PHF21B: variants seen among roughly 807,000 people sequenced by gnomAD.
The protein encoded by PHF21B is PHD finger protein 21B.
Under a neutral mutation model 62.2 loss-of-function variants are expected in PHF21B, and 22 were observed. That is an observed-to-expected ratio of 0.35 (90% CI 0.25 to 0.51). The LOEUF (loss-of-function observed/expected upper bound fraction) is 0.51. PHF21B is among the 20% of genes least tolerant of loss of function. The pLI is 0.97. For missense variants in PHF21B, 701 were observed against 707.9 expected (o/e 0.99, Z 0.11); for synonymous variants, 341 against 314.7 (o/e 1.08, Z -0.88).
At chr22:44,949,310 GAA>G (rs950091010) in intron 2 of PHF21B, among the ~76,000 whole-genome samples, 3 of 126,812 alleles carry the variant, frequency 2.4e-5, no homozygotes, top group Non-Finnish European at 4.6e-5. Flanking sequence ...TCAAAAAAAA[GAA>G]AAAAAAAAAA....
chr22:44,976,524 T>C (rs2072741025), intron 2 of PHF21B, among the ~76,000 whole-genome samples: 1 of 152,252 alleles, frequency 6.6e-6, no homozygotes, highest in Non-Finnish European at 1.5e-5. Flanking sequence ...AAAATTACAA[T>C]TCACATTTCA....
intron 2 of PHF21B, among the ~76,000 whole-genome samples, chr22:44,981,523 C>T (rs2072841871): frequency 6.6e-6 from 1 of 152,246 alleles, no homozygotes; most frequent in Non-Finnish European, 1.5e-5. Context: ...GCTCAATGAA[C>T]AGGCTAATGA....
At chr22:44,952,028 G>A (rs2072204376) in intron 2 of PHF21B, among the ~76,000 whole-genome samples, 1 of 152,170 alleles carries the variant, frequency 6.6e-6, no homozygotes, top group Non-Finnish European at 1.5e-5. Context: ...GGTGCTCACT[G>A]CGTGTTATGT....
chr22:44,975,869 T>C (rs927458547), intron 2 of PHF21B, among the ~76,000 whole-genome samples: 1 of 152,248 alleles, frequency 6.6e-6, no homozygotes, highest in Non-Finnish European at 1.5e-5. Context: ...AAAGAAAACC[T>C]ATTTTAAAAA....
chr22:44,898,195 CT>C (rs1157257936), intron 5 of PHF21B, among the ~76,000 whole-genome samples: 1 of 152,084 alleles, frequency 6.6e-6, no homozygotes, highest in South Asian at 2.1e-4. Flanking sequence ...CTCAGCTTGT[CT>C]TTTTTTGGTG....
intron 3 of PHF21B, among the ~76,000 whole-genome samples, chr22:44,918,074 G>GC (rs1252553836): frequency 4.2e-4 from 64 of 152,374 alleles, no homozygotes; most frequent in African/African-American, 1.5e-3. Flanking sequence ...GTCCCCCAAT[G>GC]CCAGGCTTAC....
In PHF21B at chr22:44,972,482, G is replaced by A. The variant is rs2072658266; in HGVS notation, c.120+36063C>T. Among the ~76,000 whole-genome samples, 4 of 152,146 alleles carry A rather than the reference G, an allele frequency of 2.6e-5. No homozygotes were observed. The South Asian group carries it at 6.2e-4, about 24-fold the overall frequency. On this transcript the variant is annotated intron_variant, in intron 2 of 12. Coordinates refer to ENST00000313237, the MANE Select transcript of PHF21B (RefSeq NM_138415.5). ...AGCCGAAAACCGAGTGTTGGCAGACGCGGCTGCTCAGTGCAATGAGGAAGC... is the reference window on the plus strand; with the variant it reads ...AGCCGAAAACCGAGTGTTGGCAGACACGGCTGCTCAGTGCAATGAGGAAGC...
rs118164568 is a variant in PHF21B, at chr22:44,920,924, G to A, written c.121-434C>T. Among the ~76,000 whole-genome samples the A allele has an allele frequency of 2.4e-4, 37 of 152,300 alleles. No homozygotes were observed. In the East Asian group the frequency reaches 6.9e-3, roughly 29 times the overall value. On this transcript the variant is annotated intron_variant, in intron 2 of 12. Transcript: ENST00000313237. ...CAATCCTCTACTCTTGGAAATTTGA[G>A]TTCTAGCTCCATCTTTTTCCAGTTA...
chr22:44,893,551 C>A lies in PHF21B; in HGVS notation c.884-18G>T, dbSNP rs374045140. On this transcript the variant is annotated intron_variant, in intron 6 of 12. Coordinates refer to ENST00000313237, the MANE Select transcript of PHF21B (RefSeq NM_138415.5). ...CTGGATTTCTGGAAAGGCACAGACA[C>A]AGCAGTTACTGGGTCCTGCCTGCCC... is the stretch of plus-strand genomic sequence containing the variant. The A allele has an allele frequency of 8.2e-6, 13 of 1,586,650 alleles. No individual in the cohort carries two copies. Among genetic ancestry groups the A allele is most frequent in the South Asian group, 1.1e-5 (1 of 87,056 alleles).
In PHF21B at chr22:44,934,432, G is replaced by T. The variant is rs145854017; in HGVS notation, c.121-13942C>A. On this transcript the variant is annotated intron_variant, in intron 2 of 12. Coordinates refer to ENST00000313237, the MANE Select transcript of PHF21B (RefSeq NM_138415.5). ...CAACAGAAGGGACTTCCACGAGCAGGAGTTTTTTTCAGGCCAAGAAGGGAC... is the reference window on the plus strand; with the variant it reads ...CAACAGAAGGGACTTCCACGAGCAGTAGTTTTTTTCAGGCCAAGAAGGGAC... Among the ~76,000 whole-genome samples, 664 of 152,328 alleles carry T rather than the reference G, an allele frequency of 4.4e-3. 1 individual carries two copies. Among genetic ancestry groups the T allele is most frequent in the Non-Finnish European group, 7.7e-3 (523 of 68,034 alleles).
At chr22:45,001,933 C>CT (rs1569285961) in intron 2 of PHF21B, 1 of 152,214 alleles carries the variant, frequency 6.6e-6, no homozygotes, top group African/African-American at 2.4e-5. Flanking sequence ...CCGCGCTTTA[C>CT]GATATTCAAA....
intron 2 of PHF21B, among the ~76,000 whole-genome samples, chr22:44,960,484 C>T (rs529768032): frequency 6.6e-6 from 1 of 152,174 alleles, no homozygotes; most frequent in African/African-American, 2.4e-5. Context: ...GCTGTCTGCA[C>T]CCATATTAAG....
chr22:44,888,185 C>T (rs2070894691), intron 9 of PHF21B, 64 bp from the exon 10 acceptor site: 7 of 1,416,576 alleles, frequency 4.9e-6, no homozygotes, highest in Non-Finnish European at 6.5e-6. Flanking sequence ...GCCGGTCAGC[C>T]AGGGCCAGGC....
At chr22:44,923,378 G>T (rs1164204046) in intron 2 of PHF21B, among the ~76,000 whole-genome samples, 1 of 148,842 alleles carries the variant, frequency 6.7e-6, no homozygotes, top group South Asian at 2.1e-4. Flanking sequence ...TGAATGTAGG[G>T]ACCAAAACTA....
At chr22:45,004,116 G>T (rs974797794) in intron 2 of PHF21B, among the ~76,000 whole-genome samples, 2 of 152,054 alleles carry the variant, frequency 1.3e-5, no homozygotes, top group Admixed American at 6.6e-5. Flanking sequence ...ACAGCCAAGG[G>T]GTTTCTTTTA....
intron 2 of PHF21B, among the ~76,000 whole-genome samples, chr22:44,929,122 G>C (rs2071691221): frequency 6.6e-6 from 1 of 152,236 alleles, no homozygotes; most frequent in Non-Finnish European, 1.5e-5. Context: ...TTAGAGAACT[G>C]CTGTGATGTG....
intron 2 of PHF21B, among the ~76,000 whole-genome samples, chr22:45,006,939 G>A (rs1457636084): frequency 6.6e-6 from 1 of 151,592 alleles, no homozygotes; most frequent in Non-Finnish European, 1.5e-5. Context: ...AGGGTCTTCC[G>A]ACCCCTCCCC....
intron 5 of PHF21B, among the ~76,000 whole-genome samples, chr22:44,907,910 T>C (rs527870356): frequency 6.6e-6 from 1 of 152,258 alleles, no homozygotes; most frequent in East Asian, 1.9e-4. Context: ...CACGGTCCAC[T>C]GACCTGCTGG....
At position 44,885,514 on chromosome 22, in the gene PHF21B, T is replaced by A; in HGVS notation, c.1289A>T (p.Lys430Met). 1 of 1,595,572 alleles carries A rather than the reference T, an allele frequency of 6.3e-7. No individual in the cohort carries two copies. The highest frequency in any genetic ancestry group is 8.5e-7 in the Non-Finnish European group (1 of 1,171,114). The change falls in exon 12 of 13, where the codon AAG becomes ATG. Residue 430 changes from lysine (K) to methionine (M), a missense_variant. Coordinates refer to ENST00000313237, the MANE Select transcript of PHF21B (RefSeq NM_138415.5). ...VTHKTVKEEE[K>M]QKLLQRGSEL... ...ACTGCCTCGTTGCAGCAGCTTCTGC[T>A]TCTCCTCTTCTTTGACTAGAAAAGA...
Sources: allele counts gnomAD v4.1 joint callset (sites outside exome capture counted in the v4.1 genomes callset), GRCh38; gene constraint gnomAD v4.1.1; transcripts MANE v1.5; gene names NCBI Gene and HGNC (gene_info 2026-07-23, HGNC 2026-07-21).